Variants in CCBE1 observed in about 807,000 individuals in gnomAD.
The protein encoded by CCBE1 is collagen and calcium binding EGF domains 1.
In CCBE1, 37 loss-of-function variants were observed where a neutral mutation model predicts 50.0. The ratio of observed to expected loss-of-function variants is 0.74; its 90% CI spans 0.57 to 0.97. The LOEUF (loss-of-function observed/expected upper bound fraction) is 0.97. Ranked by LOEUF, CCBE1 falls within the 50% of genes least tolerant of loss-of-function variation. The pLI, the probability that CCBE1 is intolerant of heterozygous loss-of-function variation, is 0.00. For synonymous variants in CCBE1, 234 were observed against 203.7 expected (o/e 1.15, Z -1.27); for missense variants, 538 against 523.8 (o/e 1.03, Z -0.26).
At chr18:59,649,690 GGCT>G (rs59351899) in intron 2 of CCBE1, among the ~76,000 whole-genome samples, 52,254 of 151,930 alleles carry the variant, frequency 0.34, 9,163 homozygotes, top group East Asian at 0.54. Flanking sequence ...TGCCATCTCA[GGCT>G]GCTGTTGGAC....
chr18:59,670,573 G>T (rs559577179), intron 2 of CCBE1, among the ~76,000 whole-genome samples: 1 of 152,294 alleles, frequency 6.6e-6, no homozygotes, highest in Non-Finnish European at 1.5e-5. Context: ...ACCTCCATAT[G>T]AAAGTTTCAA....
At chr18:59,543,631 C>T (rs1915556052) in intron 2 of CCBE1, among the ~76,000 whole-genome samples, 1 of 152,032 alleles carries the variant, frequency 6.6e-6, no homozygotes, top group African/African-American at 2.4e-5. Context: ...GTCAGGAGAT[C>T]GAGAACATCC....
In CCBE1 at chr18:59,560,808, C is replaced by T. The variant is rs112211459; in HGVS notation, c.213-80570G>A. 5.4e-3 allele frequency among the ~76,000 whole-genome samples: 825 copies of T among 152,244 alleles called. 5 individuals carry two copies. The highest frequency in any genetic ancestry group is 0.017 in the Middle Eastern group (5 of 294). On this transcript the variant is annotated intron_variant, in intron 2 of 10. Coordinates refer to ENST00000439986, the MANE Select transcript of CCBE1 (RefSeq NM_133459.4). Reference sequence around the variant, plus strand: ...GCAGGATGGGTGTGTTGATGGATAACGACTCCCCGGACAGGGACGGCACAG... The same window carrying T: ...GCAGGATGGGTGTGTTGATGGATAATGACTCCCCGGACAGGGACGGCACAG...
At chr18:59,621,694 T>C (rs896762813) in intron 2 of CCBE1, among the ~76,000 whole-genome samples, 9 of 152,144 alleles carry the variant, frequency 5.9e-5, no homozygotes, top group Non-Finnish European at 1.3e-4. Context: ...CAAACTCATA[T>C]CTCTCCGACT....
At chr18:59,493,077 A>G (rs1913185434) in intron 2 of CCBE1, among the ~76,000 whole-genome samples, 1 of 152,218 alleles carries the variant, frequency 6.6e-6, no homozygotes, top group Admixed American at 6.5e-5. Context: ...GAATCTGTAA[A>G]TACAATTTGC....
At chr18:59,659,763 C>T (rs1489365842) in intron 2 of CCBE1, among the ~76,000 whole-genome samples, 1 of 152,072 alleles carries the variant, frequency 6.6e-6, no homozygotes, top group African/African-American at 2.4e-5. Context: ...CATCCTGAAC[C>T]GACTGAAGCA....
intron 2 of CCBE1, among the ~76,000 whole-genome samples, chr18:59,591,101 C>G (rs1291077528): frequency 1.1e-5 from 1 of 88,284 alleles, no homozygotes; most frequent in Non-Finnish European, 2.0e-5. Context: ...AAAAAATTAG[C>G]CGGGCGTGAT....
At chr18:59,669,768 G>A (rs1245568399) in intron 2 of CCBE1, among the ~76,000 whole-genome samples, 1 of 152,206 alleles carries the variant, frequency 6.6e-6, no homozygotes, top group Non-Finnish European at 1.5e-5. Context: ...ACAATGAGAA[G>A]TACCTGAACA....
chr18:59,447,236 T>G (rs561766285), intron 7 of CCBE1, among the ~76,000 whole-genome samples: 1 of 152,268 alleles, frequency 6.6e-6, no homozygotes, highest in African/African-American at 2.4e-5. Context: ...TATATATGTG[T>G]ATAAAGATTC....
chr18:59,448,256 C>T (rs937356363), intron 6 of CCBE1, among the ~76,000 whole-genome samples, 153 bp from the exon 7 acceptor site: 1 of 151,898 alleles, frequency 6.6e-6, no homozygotes, highest in African/African-American at 2.4e-5. Context: ...CTATAAAGAG[C>T]CTCTTTCTAA....
intron 2 of CCBE1, among the ~76,000 whole-genome samples, chr18:59,689,554 G>A (rs549534093): frequency 6.6e-6 from 1 of 152,312 alleles, no homozygotes; most frequent in African/African-American, 2.4e-5. Context: ...GGTGTTTCAA[G>A]CTGGAAACTA....
At chr18:59,632,642 G>T (rs887446511) in intron 2 of CCBE1, among the ~76,000 whole-genome samples, 1 of 152,062 alleles carries the variant, frequency 6.6e-6, no homozygotes, top group Non-Finnish European at 1.5e-5. Flanking sequence ...AGGCTGGAGT[G>T]CAGTGGCACG....
chr18:59,588,114 T>A (rs965718054), intron 2 of CCBE1, among the ~76,000 whole-genome samples: 19 of 152,262 alleles, frequency 1.2e-4, no homozygotes, highest in African/African-American at 4.3e-4. Context: ...TGCTAAAATT[T>A]ACATAGCTCA....
At chr18:59,693,831 T>C (rs1272055461) in intron 2 of CCBE1, among the ~76,000 whole-genome samples, 3 of 145,662 alleles carry the variant, frequency 2.1e-5, no homozygotes, top group African/African-American at 7.4e-5. Flanking sequence ...TAGTGTTTCC[T>C]ACACACGAGA....
At chr18:59,555,827 G>A (rs925877261) in intron 2 of CCBE1, among the ~76,000 whole-genome samples, 1 of 152,218 alleles carries the variant, frequency 6.6e-6, no homozygotes, top group African/African-American at 2.4e-5. Flanking sequence ...GAAGGTCAAT[G>A]TTACAGTCAC....
chr18:59,480,710 A>C (rs1912531679), intron 2 of CCBE1, among the ~76,000 whole-genome samples: 3 of 152,166 alleles, frequency 2.0e-5, no homozygotes, highest in Non-Finnish European at 1.5e-5. Flanking sequence ...TCAACTATTA[A>C]GACCAAGACT....
chr18:59,500,452 G>A (rs116801342), intron 2 of CCBE1, among the ~76,000 whole-genome samples: 1,848 of 152,208 alleles, frequency 0.012, 41 homozygotes, highest in African/African-American at 0.042. Context: ...GCTGAACTGT[G>A]GGCCATGCTC....
In CCBE1 at chr18:59,614,016, G is replaced by A. The variant is rs1171587532; in HGVS notation, c.212+82613C>T. Among the ~76,000 whole-genome samples the A allele has an allele frequency of 5.9e-5, 9 of 152,134 alleles. 1 individual carries two copies. The highest frequency in any genetic ancestry group is 2.2e-4 in the African/African-American group (9 of 41,484). On this transcript the variant is annotated intron_variant, in intron 2 of 10. Transcript: ENST00000439986. ...AGCCACCTGAGTACCTGGGATTACA[G>A]GTGCACACTTGAGGTGGAGTCTCGC...
rs541433103 is a variant in CCBE1 at position 59,639,724 on chromosome 18, A to AT, written c.212+56904dup. ...ACTTTCCCTGTTTCCAGGCGATATG[A>AT]TTTTATACCTAGAAACCCCCATAGT... On this transcript the variant is annotated intron_variant, in intron 2 of 10. Coordinates refer to ENST00000439986, the MANE Select transcript of CCBE1 (RefSeq NM_133459.4). Among the ~76,000 whole-genome samples the AT allele has an allele frequency of 6.6e-3, 1,013 of 152,332 alleles. 6 individuals are homozygous for AT. Among genetic ancestry groups the AT allele is most frequent in the African/African-American group, 0.022 (924 of 41,584 alleles).
Sources: allele counts gnomAD v4.1 joint callset (sites outside exome capture counted in the v4.1 genomes callset), GRCh38; gene constraint gnomAD v4.1.1; transcripts MANE v1.5; gene names NCBI Gene and HGNC (gene_info 2026-07-23, HGNC 2026-07-21).